MGAT4C: variants seen among roughly 807,000 people sequenced by gnomAD.
The protein encoded by MGAT4C is MGAT4 family member C, also known as alpha-1,3-mannosyl-glycoprotein 4-beta-N-acetylglucosaminyltransferase C.
A neutral mutation model predicts 40.1 loss-of-function variants in MGAT4C; 19 were observed. The ratio of observed to expected loss-of-function variants is 0.47; its 90% CI spans 0.33 to 0.70. The LOEUF is 0.70. Among genes scored for constraint, MGAT4C ranks in the 30% least tolerant of loss-of-function variants. The pLI is 0.02. For synonymous variants in MGAT4C, 181 were observed against 187.1 expected, an observed-to-expected ratio of 0.97 and a Z score of 0.27; for missense variants, 491 against 563.2, an observed-to-expected ratio of 0.87 and a Z score of 1.30.
At chr12:86,164,988 G>T (rs1412223821) in intron 1 of MGAT4C, among the ~76,000 whole-genome samples, 1 of 152,058 alleles carries the variant, frequency 6.6e-6, no homozygotes, top group Non-Finnish European at 1.5e-5. Flanking sequence ...TTGAATATCT[G>T]GGACATATGG....
At chr12:86,125,843 A>G (rs1298244300) in intron 1 of MGAT4C, among the ~76,000 whole-genome samples, 1 of 152,094 alleles carries the variant, frequency 6.6e-6, no homozygotes, top group Non-Finnish European at 1.5e-5. Flanking sequence ...GCAATGAGTG[A>G]CAGCTGCATA....
At chr12:86,508,274 G>A (rs1278668764) in intron 2 of MGAT4C, among the ~76,000 whole-genome samples, 6 of 150,914 alleles carry the variant, frequency 4.0e-5, no homozygotes, top group Non-Finnish European at 7.4e-5. Flanking sequence ...TGTTCTCATT[G>A]TTCAATTCCC....
chr12:86,706,993 C>T (rs1006381880), intron 2 of MGAT4C, among the ~76,000 whole-genome samples: 1 of 152,192 alleles, frequency 6.6e-6, no homozygotes, highest in Non-Finnish European at 1.5e-5. Flanking sequence ...TTGCCTGCTG[C>T]CATCCATGTA....
chr12:86,311,208 T>C (rs1006173505), intron 4 of MGAT4C, among the ~76,000 whole-genome samples: 19 of 152,196 alleles, frequency 1.2e-4, no homozygotes, highest in African/African-American at 3.9e-4. Context: ...TGTAGCCTAC[T>C]ACACACCTAG....
chr12:86,725,434 C>G (rs534813002), intron 2 of MGAT4C, among the ~76,000 whole-genome samples: 331 of 152,248 alleles, frequency 2.2e-3, no homozygotes, highest in African/African-American at 6.9e-3. Context: ...GAGGCTAAAA[C>G]ATCAGCGCCC....
chr12:86,048,913 T>C (rs1892651079), intron 2 of MGAT4C, among the ~76,000 whole-genome samples: 1 of 151,966 alleles, frequency 6.6e-6, no homozygotes, highest in African/African-American at 2.4e-5. Flanking sequence ...AACTATTCAG[T>C]GGTGCAAGCA....
chr12:86,287,354 T>A (rs1398463758), intron 4 of MGAT4C, among the ~76,000 whole-genome samples: 2 of 133,072 alleles, frequency 1.5e-5, no homozygotes, highest in African/African-American at 5.8e-5. Context: ...TTCTTTATAC[T>A]TTTTTTTTCT....
intron 1 of MGAT4C, among the ~76,000 whole-genome samples, chr12:86,165,322 C>T (rs1413723038): frequency 6.6e-6 from 1 of 152,034 alleles, no homozygotes; most frequent in African/African-American, 2.4e-5. Context: ...AAACATTCCA[C>T]ACACACATAA....
At chr12:86,046,603 C>T (rs2097517366) in intron 2 of MGAT4C, among the ~76,000 whole-genome samples, 1 of 152,150 alleles carries the variant, frequency 6.6e-6, no homozygotes. Flanking sequence ...AACCTATAGA[C>T]TCATGGGGCA....
intron 2 of MGAT4C, among the ~76,000 whole-genome samples, chr12:86,570,600 G>A (rs961166532): frequency 3.9e-5 from 6 of 151,952 alleles, no homozygotes; most frequent in Non-Finnish European, 8.8e-5. Context: ...AAAAAGTGGC[G>A]GGGGAATAAA....
chr12:86,542,076 C>T (rs562173576), intron 2 of MGAT4C, among the ~76,000 whole-genome samples: 7 of 152,238 alleles, frequency 4.6e-5, no homozygotes, highest in South Asian at 2.1e-4. Flanking sequence ...CTGTGGACTC[C>T]GAGTGAGAAG....
chr12:86,088,457 T>G (rs143786998), intron 1 of MGAT4C, among the ~76,000 whole-genome samples: 629 of 152,068 alleles, frequency 4.1e-3, no homozygotes, highest in African/African-American at 0.015. Flanking sequence ...GTGGAAAATA[T>G]TATATTTGCG....
At chr12:86,426,222 C>A (rs1179511026) in intron 3 of MGAT4C, among the ~76,000 whole-genome samples, 2 of 152,094 alleles carry the variant, frequency 1.3e-5, no homozygotes, top group East Asian at 3.9e-4. Context: ...TCTATTTCAG[C>A]AATGTCCTTA....
chr12:86,474,168 A>C (rs1307199457), intron 2 of MGAT4C, among the ~76,000 whole-genome samples: 1 of 151,978 alleles, frequency 6.6e-6, no homozygotes, highest in Non-Finnish European at 1.5e-5. Context: ...TGGCACATAT[A>C]CACCATGGAA....
At chr12:86,505,721 G>A (rs909692684) in intron 2 of MGAT4C, among the ~76,000 whole-genome samples, 2 of 152,158 alleles carry the variant, frequency 1.3e-5, no homozygotes, top group African/African-American at 2.4e-5. Context: ...TCATTTGTAT[G>A]TACTGGAGAT....
intron 4 of MGAT4C, among the ~76,000 whole-genome samples, chr12:86,324,008 A>T (rs564955685): frequency 6.6e-6 from 1 of 152,120 alleles, no homozygotes; most frequent in Admixed American, 6.5e-5. Context: ...AACTGGAAGT[A>T]AAAATGAAAC....
intron 1 of MGAT4C, among the ~76,000 whole-genome samples, chr12:86,811,634 G>T (rs1593229700): frequency 6.6e-6 from 1 of 151,214 alleles, no homozygotes. Flanking sequence ...GACCCAACGT[G>T]CCCAGCCAGT....
chr12:86,121,366 C>A (rs1381409539), intron 1 of MGAT4C, among the ~76,000 whole-genome samples: 3 of 152,110 alleles, frequency 2.0e-5, no homozygotes, highest in African/African-American at 7.2e-5. Context: ...GCAAGGCAGG[C>A]CAACATTCAA....
At chr12:86,242,888 C>G (rs1332237118) in intron 1 of MGAT4C, among the ~76,000 whole-genome samples, 1 of 152,142 alleles carries the variant, frequency 6.6e-6, no homozygotes, top group East Asian at 1.9e-4. Context: ...GTTAAGGGAA[C>G]TGACTCTAGC....
Sources: allele counts gnomAD v4.1 joint callset (sites outside exome capture counted in the v4.1 genomes callset), GRCh38; gene constraint gnomAD v4.1.1; transcripts MANE v1.5; gene names NCBI Gene and HGNC (gene_info 2026-07-23, HGNC 2026-07-21).